Variants in VTI1A observed in about 807,000 individuals in gnomAD.
The protein encoded by VTI1A is vesicle transport through interaction with t-SNAREs 1A, also known as vesicle transport through interaction with t-SNAREs homolog 1A.
VTI1A carries 22 observed loss-of-function variants against 34.9 expected under a neutral mutation model. The observed-to-expected ratio is 0.63, with a 90% CI of 0.45 to 0.90. The LOEUF (loss-of-function observed/expected upper bound fraction) is 0.90. Among genes scored for constraint, VTI1A ranks in the 40% least tolerant of loss-of-function variants. The pLI is 0.00. For missense variants in VTI1A, 268 were observed against 275.6 expected (o/e 0.97, Z 0.20); for synonymous variants, 87 against 97.3 (o/e 0.89, Z 0.62).
At chr10:112,625,640 C>CAAAAAAAAAAAAAAAAAAA (rs766419906) in intron 5 of VTI1A, among the ~76,000 whole-genome samples, 2 of 82,578 alleles carry the variant, frequency 2.4e-5, no homozygotes, top group African/African-American at 1.3e-4. Flanking sequence ...AACTCTGTCT[C>CAAAAAAAAAAAAAAAAAAA]AAAAAAAAAA....
the VTI1A span, among the ~76,000 whole-genome samples, chr10:112,850,111 G>A: frequency 1.3e-5 from 2 of 152,170 alleles, no homozygotes; most frequent in African/African-American, 4.8e-5. Context: ...TTTTCTCTCC[G>A]TGAATATAAT....
At chr10:112,580,413 G>C (rs1313144197) in intron 5 of VTI1A, among the ~76,000 whole-genome samples, 1 of 152,134 alleles carries the variant, frequency 6.6e-6, no homozygotes, top group Non-Finnish European at 1.5e-5. Flanking sequence ...GTTGTGGTGG[G>C]GAATGTCAAG....
At chr10:112,593,988 C>A (rs541076296) in intron 5 of VTI1A, among the ~76,000 whole-genome samples, 2 of 152,296 alleles carry the variant, frequency 1.3e-5, no homozygotes, top group East Asian at 3.9e-4. Context: ...CAGCTCACTG[C>A]AAGCTCTGTC....
chr10:112,761,770 CTGTGTGTG>C (rs57330053), intron 7 of VTI1A, among the ~76,000 whole-genome samples: 3,431 of 145,908 alleles, frequency 0.024, 141 homozygotes, highest in African/African-American at 0.081. Context: ...CTTTCTTTCT[CTGTGTGTG>C]TGTGTGTGTG....
At chr10:112,471,426 T>C (rs1848077357) in intron 3 of VTI1A, among the ~76,000 whole-genome samples, 2 of 151,432 alleles carry the variant, frequency 1.3e-5, no homozygotes, top group South Asian at 4.2e-4. Context: ...TTTGGCTTCT[T>C]GTGTAGCCTC....
At chr10:112,802,184 G>A (rs1407571257) in intron 7 of VTI1A, among the ~76,000 whole-genome samples, 1 of 152,194 alleles carries the variant, frequency 6.6e-6, no homozygotes, top group Non-Finnish European at 1.5e-5. Flanking sequence ...GGTTGAGGCT[G>A]TGGTGAGCAG....
At chr10:112,793,754 C>T (rs954151067) in intron 7 of VTI1A, among the ~76,000 whole-genome samples, 2 of 152,188 alleles carry the variant, frequency 1.3e-5, no homozygotes, top group African/African-American at 2.4e-5. Context: ...TTGTGTGCTC[C>T]GATAGGAGGC....
At chr10:112,699,320 A>C (rs187598204) in intron 7 of VTI1A, among the ~76,000 whole-genome samples, 130 of 152,318 alleles carry the variant, frequency 8.5e-4, no homozygotes, top group Non-Finnish European at 1.2e-3. Flanking sequence ...GAGGTTGGGA[A>C]ATTTAAGATC....
intron 5 of VTI1A, among the ~76,000 whole-genome samples, chr10:112,663,834 A>G (rs771262062): frequency 6.6e-6 from 1 of 152,182 alleles, no homozygotes; most frequent in East Asian, 1.9e-4. Context: ...CATGTCCAAA[A>G]TTCAGTGCTC....
At chr10:112,502,335 C>CT (rs1849273825) in intron 3 of VTI1A, among the ~76,000 whole-genome samples, 1 of 152,000 alleles carries the variant, frequency 6.6e-6, no homozygotes, top group Non-Finnish European at 1.5e-5. Flanking sequence ...CGCCCAGCTT[C>CT]TTACTCATTT....
intron 5 of VTI1A, among the ~76,000 whole-genome samples, chr10:112,597,321 G>A (rs1255359560): frequency 1.3e-5 from 2 of 151,906 alleles, no homozygotes; most frequent in South Asian, 4.2e-4. Context: ...GGGTTCAAGC[G>A]ATTCTCTTGC....
At chr10:112,621,989 C>T (rs1845754124) in intron 5 of VTI1A, among the ~76,000 whole-genome samples, 1 of 151,772 alleles carries the variant, frequency 6.6e-6, no homozygotes, top group Non-Finnish European at 1.5e-5. Flanking sequence ...TTGTGGGAGT[C>T]GAGAGAGAGA....
chr10:112,840,618 G>A, the VTI1A span, among the ~76,000 whole-genome samples: 1 of 152,130 alleles, frequency 6.6e-6, no homozygotes, highest in African/African-American at 2.4e-5. Flanking sequence ...AGACCCCCTG[G>A]GCAGCTGCCC....
intron 5 of VTI1A, among the ~76,000 whole-genome samples, chr10:112,574,907 C>T (rs1019452913): frequency 2.0e-5 from 3 of 152,168 alleles, no homozygotes; most frequent in African/African-American, 4.8e-5. Flanking sequence ...TTTTTGAATA[C>T]TGGTCCTAAT....
intron 7 of VTI1A, among the ~76,000 whole-genome samples, chr10:112,678,420 A>G (rs1363977390): frequency 1.3e-5 from 2 of 152,192 alleles, no homozygotes; most frequent in Non-Finnish European, 2.9e-5. Context: ...AACATATACC[A>G]TCACCAAACA....
intron 5 of VTI1A, among the ~76,000 whole-genome samples, chr10:112,656,232 A>G (rs550402570): frequency 2.0e-5 from 3 of 152,234 alleles, no homozygotes; most frequent in African/African-American, 7.2e-5. Flanking sequence ...ATTGATTGAC[A>G]ATACCTGCCA....
At chr10:112,507,211 A>C (rs1200041643) in intron 3 of VTI1A, among the ~76,000 whole-genome samples, 1 of 152,068 alleles carries the variant, frequency 6.6e-6, no homozygotes, top group Non-Finnish European at 1.5e-5. Flanking sequence ...TTTCAGCATC[A>C]CTTAAGCTCC....
intron 3 of VTI1A, chr10:112,464,887 T>A: frequency 1.8e-6 from 1 of 551,896 alleles, no homozygotes; most frequent in Non-Finnish European, 3.2e-6. Context: ...ATGCGGCCCT[T>A]TGAGTCTGAA....
chr10:112,693,272 C>T (rs1394099530), intron 7 of VTI1A, among the ~76,000 whole-genome samples: 2 of 152,112 alleles, frequency 1.3e-5, no homozygotes, highest in Admixed American at 6.5e-5. Flanking sequence ...ACTGGCGGGG[C>T]GTGATGGCTC....
Sources: gnomAD v4.1 joint callset for allele counts (sites outside exome capture counted in the v4.1 genomes callset) on GRCh38, gnomAD v4.1.1 for gene constraint, MANE v1.5 for transcripts, NCBI Gene and HGNC (gene_info 2026-07-23, HGNC 2026-07-21) for gene names.